The following ZNF699 variants were observed in gnomAD, a reference collection of about 807,000 sequenced individuals.
ZNF699 encodes the protein zinc finger protein 699, also known as hangover homolog.
In ZNF699, 18 loss-of-function variants were observed where a neutral mutation model predicts 22.5. The ratio of observed to expected loss-of-function variants is 0.80; its 90% CI spans 0.55 to 1.19. The LOEUF (loss-of-function observed/expected upper bound fraction) is 1.19, where lower values mean the gene tolerates loss of function less well. Ranked by LOEUF, ZNF699 falls within the 50% of genes most tolerant of loss-of-function variation. The pLI, the probability that ZNF699 is intolerant of heterozygous loss-of-function variation, is 0.00. For missense variants in ZNF699, 670 were observed against 763.4 expected (o/e 0.88, Z 1.44); for synonymous variants, 241 against 262.3 (o/e 0.92, Z 0.78).
intron 1 of ZNF699, among the ~76,000 whole-genome samples, chr19:9,307,718 G>A (rs2144985965): frequency 6.6e-6 from 1 of 152,188 alleles, no homozygotes; most frequent in Admixed American, 6.5e-5. Context: ...GGAGGCCAAG[G>A]TGGGTGGATC....
intron 2 of ZNF699, among the ~76,000 whole-genome samples, chr19:9,303,557 C>T (rs964712948): frequency 1.3e-5 from 2 of 152,156 alleles, no homozygotes; most frequent in African/African-American, 2.4e-5. Flanking sequence ...CTCCGGGAAC[C>T]ACCACACGTC....
intron 3 of ZNF699, among the ~76,000 whole-genome samples, chr19:9,298,829 G>A (rs776730742): frequency 4.2e-4 from 64 of 152,156 alleles, no homozygotes; most frequent in Non-Finnish European, 8.4e-4. Context: ...CAAAATTTAT[G>A]TTCAAATGGA....
chr19:9,306,281 A>T (rs552729204), intron 1 of ZNF699, among the ~76,000 whole-genome samples: 2 of 152,076 alleles, frequency 1.3e-5, no homozygotes, highest in Admixed American at 6.5e-5. Context: ...AATCCCAGCT[A>T]CTCAGGAGGC....
intron 2 of ZNF699, 135 bp downstream of exon 2, chr19:9,304,937 A>C (rs1599254451): frequency 1.6e-6 from 1 of 612,062 alleles, no homozygotes; most frequent in Non-Finnish European, 2.7e-6. Flanking sequence ...AAAAAAAAAA[A>C]AAACTATAGC....
At chr19:9,302,576 C>T (rs2066311766) in intron 2 of ZNF699, 72 bp from the exon 3 acceptor site, 2 of 1,479,914 alleles carry the variant, frequency 1.4e-6, no homozygotes, top group East Asian at 2.3e-5. Context: ...AGATGAGGCT[C>T]ACAACATCGA....
In ZNF699 at chr19:9,297,481, T is replaced by A; in HGVS notation, c.287-2A>T. 6.4e-7 allele frequency: 1 copy of A among 1,551,686 alleles called. No homozygotes were observed. The highest frequency in any genetic ancestry group is 8.6e-7 in the Non-Finnish European group (1 of 1,159,610). ...TAGTTTTAAGTTGAGTCTCAAAACC[T>A]GAAACGAAAAAAAGTGAAAGCTTCC... On this transcript the variant is annotated splice_acceptor_variant, in intron 4 of 5. Coordinates refer to ENST00000591998, the MANE Select transcript of ZNF699 (RefSeq NM_198535.3). LOFTEE classifies it high-confidence loss of function. This position sits in a 1 kb window ranked among gnomAD's most constrained non-coding sequence, Gnocchi z 4.3.
chr19:9,297,506 C>T lies in ZNF699; in HGVS notation c.287-27G>A. Reference sequence around the variant, plus strand: ...TGAAACGAAAAAAAGTGAAAGCTTCCATGAGCCAAGGACTTTTAGCAGAGT... The same window carrying T: ...TGAAACGAAAAAAAGTGAAAGCTTCTATGAGCCAAGGACTTTTAGCAGAGT... On this transcript the variant is annotated intron_variant, in intron 4 of 5. Transcript: ENST00000591998. The surrounding 1 kb of genome is among the most constrained non-coding windows in gnomAD (Gnocchi z 4.3). 2 of 1,535,434 alleles carry T rather than the reference C, an allele frequency of 1.3e-6. No individual in the cohort carries two copies. The highest frequency in any genetic ancestry group is 2.3e-5 in the East Asian group (1 of 43,398).
At position 9,296,621 on chromosome 19, in the gene ZNF699, G is replaced by A; in HGVS notation, c.783C>T (p.Ser261=). The change falls in exon 6 of 6, where the codon AGC becomes AGT. Residue 261 remains serine (S), a synonymous_variant. Coordinates refer to ENST00000591998, the MANE Select transcript of ZNF699 (RefSeq NM_198535.3). ...YECKECTKAF[S]CSSFFRAHMK... is the part of the protein sequence containing the mutation. ...TATGTGCCCTAAAGAATGAGGAACA[G>A]CTGAAGGCTTTGGTACATTCCTTAC... 1 of 1,614,120 alleles carries A rather than the reference G, an allele frequency of 6.2e-7. No homozygotes were observed. The highest frequency in any genetic ancestry group is 1.1e-5 in the South Asian group (1 of 91,084).
Position 9,293,772 on chromosome 19 carries a change from TAATAA to T in ZNF699, c.*1698_*1702del, listed in dbSNP as rs1026729889. On this transcript the variant is annotated 3_prime_UTR_variant, in exon 6 of 6. Coordinates refer to ENST00000591998, the MANE Select transcript of ZNF699 (RefSeq NM_198535.3). ...CACTTCATGCATGTTAGTATATGTA[TAATAA>T]AATAAAAAGTGATTATGGGGAAATA... Among the ~76,000 whole-genome samples the T allele has an allele frequency of 1.3e-5, 2 of 152,202 alleles. No individual in the cohort carries two copies. The highest frequency in any genetic ancestry group is 2.1e-4 in the South Asian group (1 of 4,826).
rs1298541411 is a variant in ZNF699, at chr19:9,293,977, T to C, written c.*1498A>G. 6.6e-6 allele frequency among the ~76,000 whole-genome samples: 1 copy of C among 150,420 alleles called. No homozygotes were observed. The highest frequency in any genetic ancestry group is 1.5e-5 in the Non-Finnish European group (1 of 67,682). ...ATCTTTCCTGTTTAAAGGTGTCAAG[T>C]ATAAATCTTCCTCCATTAAAACAGG... On this transcript the variant is annotated 3_prime_UTR_variant, in exon 6 of 6. Transcript: ENST00000591998.
At chr19:9,298,236 A>G (rs748914100) in intron 3 of ZNF699, among the ~76,000 whole-genome samples, 3 of 151,580 alleles carry the variant, frequency 2.0e-5, no homozygotes, top group Non-Finnish European at 4.4e-5. Flanking sequence ...TCACGAGGTC[A>G]GGGGTTCGAG....
Position 9,295,616 on chromosome 19 carries a change from G to A in ZNF699, c.1788C>T (p.Phe596=). The change falls in exon 6 of 6, where the codon TTC becomes TTT. Residue 596 remains phenylalanine (F), a synonymous_variant. Transcript: ENST00000591998. The part of the protein sequence containing the change: ...PFECLECGKA[F]SCPSSFRRHV... ...GCCTTCGAAAGGATGAGGGACAACT[G>A]AAAGCTTTTCCACATTCCAGACATT... The A allele has an allele frequency of 6.2e-7, 1 of 1,612,280 alleles. No homozygotes were observed. Among genetic ancestry groups the A allele is most frequent in the Non-Finnish European group, 8.5e-7 (1 of 1,179,582 alleles).
At chr19:9,299,380 C>T (rs142616912) in intron 3 of ZNF699, among the ~76,000 whole-genome samples, 2,290 of 152,240 alleles carry the variant, frequency 0.015, 56 homozygotes, top group African/African-American at 0.05. Context: ...GTGATTCACC[C>T]GCCTCGGCCT....
Position 9,292,115 on chromosome 19 carries a change from A to G in ZNF699, c.*3360T>C, listed in dbSNP as rs1398102429. Among the ~76,000 whole-genome samples, 7 of 152,150 alleles carry G rather than the reference A, an allele frequency of 4.6e-5. No individual in the cohort carries two copies. The highest frequency in any genetic ancestry group is 4.6e-4 in the Admixed American group (7 of 15,268). On this transcript the variant is annotated 3_prime_UTR_variant, in exon 6 of 6. Coordinates refer to ENST00000591998, the MANE Select transcript of ZNF699 (RefSeq NM_198535.3). The stretch of plus-strand genomic sequence containing the variant: ...TGAGTTCCCAGACTTCACAGTTCCC[A>G]CTTGCTGCTAAGACCAGCATAACAG...
In ZNF699 at chr19:9,295,903, T is replaced by A. The variant is rs2066283813; in HGVS notation, c.1501A>T (p.Lys501Ter). 6.2e-7 allele frequency: 1 copy of A among 1,614,026 alleles called. No individual in the cohort carries two copies. The highest frequency in any genetic ancestry group is 8.5e-7 in the Non-Finnish European group (1 of 1,180,028). Reference protein sequence around the residue: ...TEHLRTHSGEKPYECKECGKA... With the variant: ...TEHLRTHSGE ...CCACATTCTTTACATTCATACGGCT[T>A]CTCTCCGCTGTGAGTTCTTAGGTGT... Residue 501 changes from lysine (K) to a stop codon, truncating the protein, a stop_gained, in exon 6 of 6, where the codon AAG becomes TAG. Coordinates refer to ENST00000591998, the MANE Select transcript of ZNF699 (RefSeq NM_198535.3). LOFTEE classifies it low-confidence loss of function (END_TRUNC).
rs916482896 is a variant in ZNF699, at chr19:9,307,504, C to T, written c.-6+1846G>A. ...AGCACATTATAGGGATAAGGAGACA[C>T]GTAACATATTTATCTTTAGCAAGTC... On this transcript the variant is annotated intron_variant, in intron 1 of 5. Transcript: ENST00000591998. Among the ~76,000 whole-genome samples the T allele has an allele frequency of 2.7e-4, 41 of 152,228 alleles. 1 individual carries two copies. Among genetic ancestry groups the T allele is most frequent in the East Asian group, 7.7e-4 (4 of 5,190 alleles).
In ZNF699 at chr19:9,302,432, T is replaced by G. The variant is rs966370238; in HGVS notation, c.121A>C (p.Arg41=). 6 of 1,613,938 alleles carry G rather than the reference T, an allele frequency of 3.7e-6. No individual in the cohort carries two copies. The African/African-American group carries it at 8.0e-5, about 22-fold the overall frequency. Residue 41 remains arginine (R), a synonymous_variant, in exon 3 of 6, where the codon AGA becomes CGA. Transcript: ENST00000591998. ...AGCATCACATCTCTGTAGAGGTTTC[T>G]CTGAGCAAGATCCAGCAAAGCCCAT... The part of the protein sequence containing the change: ...EEWALLDLAQ[R]NLYRDVMLEN...
At position 9,296,753 on chromosome 19, in the gene ZNF699, A is replaced by G. The variant is rs2144975590; in HGVS notation, c.651T>C (p.His217=). The change falls in exon 6 of 6, where the codon CAT becomes CAC. Residue 217 remains histidine, a synonymous_variant. Coordinates refer to ENST00000591998, the MANE Select transcript of ZNF699 (RefSeq NM_198535.3). ...TGCACTGATAGGGTTTGCTTCCAGT[A>G]TGAGACCTGATGTGACTCTTAAGGG... ...HSSLKSHIRS[H]TGSKPYQCKE... is the part of the protein sequence containing the mutation. The G allele has an allele frequency of 2.5e-6, 4 of 1,614,126 alleles. No individual in the cohort carries two copies. The highest frequency in any genetic ancestry group is 2.7e-5 in the African/African-American group (2 of 75,030).
chr19:9,300,797 G>C (rs2066304267), intron 3 of ZNF699, among the ~76,000 whole-genome samples: 1 of 152,156 alleles, frequency 6.6e-6, no homozygotes, highest in Admixed American at 6.5e-5. Flanking sequence ...GAGGGAAGGA[G>C]GGATGAATTG....
Sources: allele counts gnomAD v4.1 joint callset (sites outside exome capture counted in the v4.1 genomes callset), GRCh38; gene constraint gnomAD v4.1.1; non-coding constraint Gnocchi (gnomAD v3.1); transcripts MANE v1.5; gene names NCBI Gene and HGNC (gene_info 2026-07-23, HGNC 2026-07-21).